The following MLXIPL variants were observed in gnomAD, a reference collection of about 807,000 sequenced individuals.
MLXIPL encodes MLX interacting protein like, also known as carbohydrate-responsive element-binding protein.
In MLXIPL, 49 loss-of-function variants were observed where a neutral mutation model predicts 81.5. That is an observed-to-expected ratio of 0.60 (90% CI 0.48 to 0.76). MLXIPL has a LOEUF of 0.76. Among genes scored for constraint, MLXIPL ranks in the 30% least tolerant of loss-of-function variants. The pLI is 0.00. For missense variants in MLXIPL, 1,053 were observed against 1,167.0 expected, an observed-to-expected ratio of 0.90 and a Z score of 1.42; for synonymous variants, 466 against 485.5, an observed-to-expected ratio of 0.96 and a Z score of 0.53.
rs1414780806 is a variant in MLXIPL at position 73,623,202 on chromosome 7, A to T, written c.293+998T>A. ...CCCACCCCAGCTCCTGCTCCCCCGC[A>T]GGGCGGCAGGTGCCGATCTGTAGCC... On this transcript the variant is annotated intron_variant, in intron 1 of 16. Coordinates refer to ENST00000313375, the MANE Select transcript of MLXIPL (RefSeq NM_032951.3). The surrounding 1 kb of genome is among the most constrained non-coding windows in gnomAD (Gnocchi z 5.7). 1.3e-5 allele frequency among the ~76,000 whole-genome samples: 2 copies of T among 152,198 alleles called. No individual in the cohort carries two copies. Among genetic ancestry groups the T allele is most frequent in the Non-Finnish European group, 2.9e-5 (2 of 68,028 alleles).
the MLXIPL span, among the ~76,000 whole-genome samples, chr7:73,640,497 C>T: frequency 2.0e-5 from 3 of 151,560 alleles, no homozygotes; most frequent in Admixed American, 6.6e-5. Context: ...ATGATGGCGG[C>T]CGGGCGTGGT....
At chr7:73,615,040 G>A (rs1481270214) in intron 2 of MLXIPL, among the ~76,000 whole-genome samples, 5 of 152,094 alleles carry the variant, frequency 3.3e-5, no homozygotes, top group African/African-American at 1.2e-4. Context: ...TCGATCTCCT[G>A]ACCTTGTGAT....
the MLXIPL span, among the ~76,000 whole-genome samples, chr7:73,643,513 C>CA: frequency 6.2e-3 from 385 of 61,706 alleles, no homozygotes; most frequent in East Asian, 0.013. Context: ...GACTCCGTCT[C>CA]AAAAAAAAAA....
At chr7:73,637,614 G>A in the MLXIPL span, among the ~76,000 whole-genome samples, 74 of 152,296 alleles carry the variant, frequency 4.9e-4, 1 homozygote, top group East Asian at 0.014. Flanking sequence ...GACAGAGCAA[G>A]GACCATGGTC....
intron 7 of MLXIPL, among the ~76,000 whole-genome samples, chr7:73,604,727 G>A (rs1795148284): frequency 6.6e-6 from 1 of 152,200 alleles, no homozygotes; most frequent in Non-Finnish European, 1.5e-5. Context: ...CTACTAGTGT[G>A]TGCATGTTTG....
Position 73,623,935 on chromosome 7 carries a change from G to A in MLXIPL, c.293+265C>T, listed in dbSNP as rs1302902461. ...AGGTCCAGGTAGAGGTGGGGCGCAGGCGGTCTGCGCTTCGGGGAAGAGGGA... is the reference window on the plus strand; with the variant it reads ...AGGTCCAGGTAGAGGTGGGGCGCAGACGGTCTGCGCTTCGGGGAAGAGGGA... On this transcript the variant is annotated intron_variant, in intron 1 of 16. Coordinates refer to ENST00000313375, the MANE Select transcript of MLXIPL (RefSeq NM_032951.3). This position sits in a 1 kb window ranked among gnomAD's most constrained non-coding sequence, Gnocchi z 5.7. Among the ~76,000 whole-genome samples, 1 of 152,112 alleles carries A rather than the reference G, an allele frequency of 6.6e-6. No individual in the cohort carries two copies. Among genetic ancestry groups the A allele is most frequent in the Non-Finnish European group, 1.5e-5 (1 of 68,014 alleles).
At chr7:73,646,027 G>A in the MLXIPL span, among the ~76,000 whole-genome samples, 3 of 152,088 alleles carry the variant, frequency 2.0e-5, no homozygotes, top group African/African-American at 4.8e-5. Context: ...AAGCCTGCAC[G>A]TCCCCTCTCT....
At chr7:73,629,047 C>CTTT (rs782604408), upstream of MLXIPL, among the ~76,000 whole-genome samples, 1 of 143,844 alleles carries the variant, frequency 7.0e-6, no homozygotes, top group African/African-American at 2.5e-5. Flanking sequence ...CTTTTCTTTT[C>CTTT]TTTTTTTTTT....
chr7:73,611,279 G>A (rs66530708), intron 2 of MLXIPL: 6,194 of 152,208 alleles, frequency 0.041, 169 homozygotes, highest in Non-Finnish European at 0.063. Context: ...TTACATGCTC[G>A]CCTTGCTGCA....
the MLXIPL span, among the ~76,000 whole-genome samples, chr7:73,640,348 T>G: frequency 3.5e-5 from 5 of 144,622 alleles, no homozygotes; most frequent in South Asian, 4.2e-4. Flanking sequence ...GAGTCTACAG[T>G]GAGCCAAATT....
the MLXIPL span, among the ~76,000 whole-genome samples, chr7:73,629,962 C>G: frequency 7.1e-6 from 1 of 139,906 alleles, no homozygotes; most frequent in African/African-American, 2.6e-5. Context: ...CTTGGCTTGT[C>G]TTTTTTATTA....
chr7:73,618,302 G>A (rs1796117899), intron 1 of MLXIPL, among the ~76,000 whole-genome samples: 1 of 152,126 alleles, frequency 6.6e-6, no homozygotes, highest in Admixed American at 6.6e-5. Context: ...TCATCATGTT[G>A]GCCAGGCTGG....
At chr7:73,606,155 GC>G in intron 5 of MLXIPL, 44 bp from the exon 6 acceptor site, 1 of 1,540,236 alleles carries the variant, frequency 6.5e-7, no homozygotes, top group Non-Finnish European at 8.8e-7. Flanking sequence ...AGCTCCCACT[GC>G]CCCGATCTTC....
intron 1 of MLXIPL, among the ~76,000 whole-genome samples, chr7:73,616,555 T>G (rs1205862836): frequency 6.6e-6 from 1 of 152,056 alleles, no homozygotes; most frequent in African/African-American, 2.4e-5. Flanking sequence ...GAATAAGAAA[T>G]GACCTTCCTG....
At chr7:73,633,863 C>T in the MLXIPL span, among the ~76,000 whole-genome samples, 1 of 152,256 alleles carries the variant, frequency 6.6e-6, no homozygotes, top group East Asian at 1.9e-4. Flanking sequence ...AGCTTACATA[C>T]TCAGGAAGCC....
rs182350999 is a variant in MLXIPL, at chr7:73,618,020, G to A, written c.294-1843C>T. ...GTCTCCATCCACAAGCCAGGGTTGT[G>A]TACCAGTCCCCTCTAGCCCGCCTTT... On this transcript the variant is annotated intron_variant, in intron 1 of 16. Coordinates refer to ENST00000313375, the MANE Select transcript of MLXIPL (RefSeq NM_032951.3). Among the ~76,000 whole-genome samples, 5 of 152,276 alleles carry A rather than the reference G, an allele frequency of 3.3e-5. No individual in the cohort carries two copies. In the East Asian group the frequency reaches 9.7e-4, roughly 29 times the overall value.
chr7:73,593,501 G>T lies in MLXIPL; in HGVS notation c.*364C>A. On this transcript the variant is annotated 3_prime_UTR_variant, in exon 17 of 17. Transcript: ENST00000313375. ...GAAACAGCATCCTCCTCTTTCCACCGTTGAGCCCCCGGAGTTGCCAGCCTA... is the reference window on the plus strand; with the variant it reads ...GAAACAGCATCCTCCTCTTTCCACCTTTGAGCCCCCGGAGTTGCCAGCCTA... 1 of 322,344 alleles carries T rather than the reference G, an allele frequency of 3.1e-6. No homozygotes were observed. Among genetic ancestry groups the T allele is most frequent in the South Asian group, 2.8e-5 (1 of 35,886 alleles). 20.0% of individuals were successfully genotyped at this position (322,344 alleles called of 1,614,324 possible).
At position 73,593,858 on chromosome 7, in the gene MLXIPL, G is replaced by T. The variant is rs782215794; in HGVS notation, c.*7C>A. The T allele has an allele frequency of 6.2e-7, 1 of 1,610,488 alleles. No individual in the cohort carries two copies. The highest frequency in any genetic ancestry group is 8.5e-7 in the Non-Finnish European group (1 of 1,176,808). On this transcript the variant is annotated 3_prime_UTR_variant, in exon 17 of 17. Coordinates refer to ENST00000313375, the MANE Select transcript of MLXIPL (RefSeq NM_032951.3). ...GCAGCTGAGTGAGCAGCAGGGTCTGGCCAGGACTATAAAGGTTTGCCAAGG... is the reference window on the plus strand; with the variant it reads ...GCAGCTGAGTGAGCAGCAGGGTCTGTCCAGGACTATAAAGGTTTGCCAAGG...
chr7:73,610,204 C>A, intron 2 of MLXIPL: 1 of 152,386 alleles, frequency 6.6e-6, no homozygotes. Context: ...ACATTTCTCC[C>A]GCTGTCCCCT....
Sources: allele counts gnomAD v4.1 joint callset (sites outside exome capture counted in the v4.1 genomes callset), GRCh38; gene constraint gnomAD v4.1.1; non-coding constraint Gnocchi (gnomAD v3.1); transcripts MANE v1.5; gene names NCBI Gene and HGNC (gene_info 2026-07-23, HGNC 2026-07-21).